PLEKHA7: variants seen among roughly 807,000 people sequenced by gnomAD.
PLEKHA7 encodes the protein pleckstrin homology domain-containing family A member 7.
In PLEKHA7, 104 loss-of-function variants were observed where a neutral mutation model predicts 170.0. The observed-to-expected ratio is 0.61, with a 90% confidence interval of 0.52 to 0.72. The LOEUF (loss-of-function observed/expected upper bound fraction) is 0.72, where lower values mean the gene tolerates loss of function less well. Ranked by LOEUF, PLEKHA7 falls within the 30% of genes least tolerant of loss-of-function variation. PLEKHA7 has a pLI of 0.00. For missense variants in PLEKHA7, 1,615 were observed against 1,671.7 expected, an observed-to-expected ratio of 0.97 and a Z score of 0.59; for synonymous variants, 648 against 660.8, an observed-to-expected ratio of 0.98 and a Z score of 0.30.
At chr11:16,947,546 G>A (rs1376823966) in intron 3 of PLEKHA7, among the ~76,000 whole-genome samples, 3 of 147,970 alleles carry the variant, frequency 2.0e-5, no homozygotes, top group South Asian at 2.2e-4. Context: ...AGCTGAGATC[G>A]CACCACTGCA....
At chr11:16,952,604 TA>T (rs1218545303) in intron 3 of PLEKHA7, among the ~76,000 whole-genome samples, 1 of 152,240 alleles carries the variant, frequency 6.6e-6, no homozygotes, top group African/African-American at 2.4e-5. Flanking sequence ...ACTTTCGTCA[TA>T]ATACAGGTGG....
chr11:17,000,484 T>C (rs563688262), intron 3 of PLEKHA7, among the ~76,000 whole-genome samples: 8 of 152,242 alleles, frequency 5.3e-5, no homozygotes, highest in African/African-American at 1.9e-4. Context: ...CACCAATCAT[T>C]TACTGCCCAG....
intron 3 of PLEKHA7, among the ~76,000 whole-genome samples, chr11:17,005,550 G>C (rs1296422051): frequency 1.3e-5 from 2 of 152,034 alleles, no homozygotes; most frequent in Admixed American, 6.6e-5. Flanking sequence ...AAAAGAAAGA[G>C]AGAGAGAGAG....
chr11:16,779,181 T>C (rs1170110012), intron 26 of PLEKHA7, among the ~76,000 whole-genome samples, 161 bp from the exon 27 acceptor site: 1 of 152,138 alleles, frequency 6.6e-6, no homozygotes. Context: ...CCAGGACACA[T>C]GGGGCTCTTG....
intron 3 of PLEKHA7, among the ~76,000 whole-genome samples, chr11:16,963,845 G>A (rs1447512229): frequency 5.9e-5 from 9 of 152,262 alleles, no homozygotes; most frequent in East Asian, 1.9e-4. Flanking sequence ...ACCTCTCATT[G>A]CTTTTATGTT....
At chr11:16,831,907 C>T (rs929664337) in intron 9 of PLEKHA7, among the ~76,000 whole-genome samples, 3 of 152,136 alleles carry the variant, frequency 2.0e-5, no homozygotes, top group Non-Finnish European at 4.4e-5. Flanking sequence ...TTTTGAAAGT[C>T]GCAATGTACC....
chr11:16,782,434 G>C (rs867870930), intron 26 of PLEKHA7, among the ~76,000 whole-genome samples: 2 of 152,166 alleles, frequency 1.3e-5, no homozygotes, highest in Middle Eastern at 3.2e-3. Flanking sequence ...TCAGCACCTT[G>C]AAAAACCTGT....
At chr11:16,839,342 G>C (rs1851776147) in intron 9 of PLEKHA7, among the ~76,000 whole-genome samples, 1 of 151,460 alleles carries the variant, frequency 6.6e-6, no homozygotes, top group African/African-American at 2.4e-5. Context: ...ATTACCTTGG[G>C]AAGGTGATTT....
chr11:16,804,990 CAG>C (rs1848855143), intron 13 of PLEKHA7, among the ~76,000 whole-genome samples: 1 of 152,180 alleles, frequency 6.6e-6, no homozygotes, highest in Admixed American at 6.5e-5. Context: ...GTTTTAAACT[CAG>C]GGGAACCCAG....
chr11:16,789,436 G>A lies in PLEKHA7; in HGVS notation c.3157-140C>T, dbSNP rs1320768022. 5.1e-6 allele frequency: 4 copies of A among 791,572 alleles called. No individual in the cohort carries two copies. The highest frequency in any genetic ancestry group is 8.1e-6 in the Non-Finnish European group (4 of 493,942). The allele number at this position is 791,572 out of a possible 1,614,324, so 49.0% of individuals were successfully genotyped here. A position where few individuals can be genotyped will look rare whatever the true frequency, so the allele number is the denominator to read the frequency against. Reference sequence around the variant, plus strand: ...TAGTTGGGCTCCTCTTGGCCTTAGAGAACTATTTCCTCTAAGCAACACGAT... The same window carrying A: ...TAGTTGGGCTCCTCTTGGCCTTAGAAAACTATTTCCTCTAAGCAACACGAT... On this transcript the variant is annotated intron_variant, in intron 22 of 26. Transcript: ENST00000531066. This position sits in a 1 kb window ranked among gnomAD's most constrained non-coding sequence, Gnocchi z 4.6.
intron 3 of PLEKHA7, among the ~76,000 whole-genome samples, chr11:16,918,620 C>T (rs1858863001): frequency 6.6e-6 from 1 of 152,214 alleles, no homozygotes; most frequent in Non-Finnish European, 1.5e-5. Flanking sequence ...CTTCTACTTG[C>T]CCCTGAAATA....
rs1847862497 is a variant in PLEKHA7 at position 16,791,630 on chromosome 11, C to T, written c.2746-431G>A. 2.2e-6 allele frequency: 1 copy of T among 461,542 alleles called. No homozygotes were observed. Among genetic ancestry groups the T allele is most frequent in the Non-Finnish European group, 4.3e-6 (1 of 230,576 alleles). The allele number at this position is 461,542 out of a possible 1,614,324, so 28.6% of individuals were successfully genotyped here. ...CCCACTCAGCAGTGCTCAGCCTGAGCCGGCTCATTGGCCCTACACGAGCTC... is the reference window on the plus strand; with the variant it reads ...CCCACTCAGCAGTGCTCAGCCTGAGTCGGCTCATTGGCCCTACACGAGCTC... On this transcript the variant is annotated intron_variant, in intron 19 of 26. Coordinates refer to ENST00000531066, the MANE Select transcript of PLEKHA7 (RefSeq NM_001329630.2). This position sits in a 1 kb window ranked among gnomAD's most constrained non-coding sequence, Gnocchi z 4.5.
chr11:16,972,402 G>GT (rs1179972162), intron 3 of PLEKHA7, among the ~76,000 whole-genome samples: 1 of 151,806 alleles, frequency 6.6e-6, no homozygotes, highest in Non-Finnish European at 1.5e-5. Context: ...GATTACAGGC[G>GT]TGAGTCACTC....
chr11:16,926,395 A>G (rs1859547398), intron 3 of PLEKHA7, among the ~76,000 whole-genome samples: 1 of 152,166 alleles, frequency 6.6e-6, no homozygotes, highest in Admixed American at 6.5e-5. Flanking sequence ...ACACACTTCT[A>G]ATTCATTCAT....
intron 9 of PLEKHA7, among the ~76,000 whole-genome samples, chr11:16,835,012 G>A (rs1851403086): frequency 6.6e-6 from 1 of 152,206 alleles, no homozygotes; most frequent in Admixed American, 6.5e-5. Flanking sequence ...GCTCATGCCT[G>A]TAATCCTAAC....
chr11:16,829,799 G>GT (rs1395914188), intron 9 of PLEKHA7, among the ~76,000 whole-genome samples: 1 of 152,054 alleles, frequency 6.6e-6, no homozygotes, highest in East Asian at 1.9e-4. Flanking sequence ...AATTCTTACC[G>GT]TAAGTTTATA....
intron 3 of PLEKHA7, among the ~76,000 whole-genome samples, chr11:16,976,033 T>C (rs1193197461): frequency 6.6e-6 from 1 of 152,212 alleles, no homozygotes; most frequent in Non-Finnish European, 1.5e-5. Flanking sequence ...TGCATCCCTC[T>C]GGCCCCTTTT....
At chr11:16,889,418 AAAATATAT>A (rs1188922818) in intron 3 of PLEKHA7, among the ~76,000 whole-genome samples, 1,593 of 103,338 alleles carry the variant, frequency 0.015, 8 homozygotes, top group African/African-American at 0.028. Context: ...AAAAAAAAAA[AAAATATAT>A]ATATATATAT....
chr11:16,951,542 G>A (rs1310580364), intron 3 of PLEKHA7, among the ~76,000 whole-genome samples: 2 of 151,992 alleles, frequency 1.3e-5, no homozygotes, highest in East Asian at 3.9e-4. Context: ...GAGATGATAA[G>A]TAAAAGAACT....
Sources: allele counts gnomAD v4.1 joint callset (sites outside exome capture counted in the v4.1 genomes callset), GRCh38; gene constraint gnomAD v4.1.1; non-coding constraint Gnocchi (gnomAD v3.1); transcripts MANE v1.5; gene names NCBI Gene and HGNC (gene_info 2026-07-23, HGNC 2026-07-21).